Variants in FER1L6 observed in about 807,000 individuals in gnomAD.
FER1L6 encodes fer-1 like family member 6.
In FER1L6, 177 loss-of-function variants were observed where a neutral mutation model predicts 219.2. That is an observed-to-expected ratio of 0.81 (90% CI 0.71 to 0.91). The LOEUF is 0.91. Among genes scored for constraint, FER1L6 ranks in the 40% least tolerant of loss-of-function variants. The probability of loss-of-function intolerance (pLI) is 0.00; values close to 1 mark genes in which losing one functional copy is unlikely to be tolerated. For missense variants in FER1L6, 2,153 were observed against 2,259.9 expected (o/e 0.95, Z 0.96); for synonymous variants, 768 against 824.3 (o/e 0.93, Z 1.17).
intron 1 of FER1L6, among the ~76,000 whole-genome samples, chr8:123,924,078 A>G (rs989161992): frequency 5.3e-5 from 8 of 151,466 alleles, no homozygotes; most frequent in Non-Finnish European, 1.2e-4. Flanking sequence ...AACATGGCGA[A>G]CCCCGTCTCT....
At chr8:123,939,781 T>C (rs1381867989) in intron 1 of FER1L6, among the ~76,000 whole-genome samples, 1 of 152,172 alleles carries the variant, frequency 6.6e-6, no homozygotes, top group African/African-American at 2.4e-5. Flanking sequence ...AGCTGGAGAT[T>C]GAGCGGCATA....
At chr8:123,939,201 A>G in intron 1 of FER1L6, 1 of 985,002 alleles carries the variant, frequency 1.0e-6, no homozygotes, top group Non-Finnish European at 1.2e-6. Context: ...GAGGTGAGCT[A>G]AATAACACAT....
intron 1 of FER1L6, among the ~76,000 whole-genome samples, chr8:123,911,403 T>C (rs1304255983): frequency 6.6e-6 from 1 of 152,202 alleles, no homozygotes; most frequent in African/African-American, 2.4e-5. Flanking sequence ...GCATCCACAA[T>C]GGCCCAGGCA....
chr8:124,053,661 T>A (rs1011243760), intron 22 of FER1L6, among the ~76,000 whole-genome samples: 4 of 152,082 alleles, frequency 2.6e-5, no homozygotes, highest in Non-Finnish European at 5.9e-5. Flanking sequence ...AATTTGAGAC[T>A]AGCCTCAGCA....
At chr8:123,854,502 C>T (rs1816592663) in intron 1 of FER1L6, among the ~76,000 whole-genome samples, 1 of 152,144 alleles carries the variant, frequency 6.6e-6, no homozygotes, top group Admixed American at 6.5e-5. Context: ...CAAAAGAGTC[C>T]ATCACACTGT....
At chr8:124,007,680 G>A (rs1258353785) in intron 13 of FER1L6, among the ~76,000 whole-genome samples, 12 of 152,094 alleles carry the variant, frequency 7.9e-5, no homozygotes, top group Non-Finnish European at 5.9e-5. Flanking sequence ...TAGCTACTTT[G>A]CTATCCTCCT....
chr8:123,923,663 C>G (rs1051196115), intron 1 of FER1L6, among the ~76,000 whole-genome samples: 1 of 152,160 alleles, frequency 6.6e-6, no homozygotes, highest in East Asian at 1.9e-4. Context: ...ATGCCTGGCC[C>G]TGTGCTAAGC....
At position 123,975,139 on chromosome 8, in the gene FER1L6, T is replaced by A; in HGVS notation, c.527-11T>A. The A allele has an allele frequency of 6.3e-7, 1 of 1,577,716 alleles. No homozygotes were observed. Among genetic ancestry groups the A allele is most frequent in the Non-Finnish European group, 8.6e-7 (1 of 1,158,896 alleles). On this transcript the variant is annotated splice_polypyrimidine_tract_variant and intron_variant, in intron 7 of 40. Coordinates refer to ENST00000522917, the MANE Select transcript of FER1L6 (RefSeq NM_001039112.2). Reference sequence around the variant, plus strand: ...CTGTGAAGGATGTGAGCTGTCAGGGTGCTTTCACAGGTCATCAGTTCTGCA... The same window carrying A: ...CTGTGAAGGATGTGAGCTGTCAGGGAGCTTTCACAGGTCATCAGTTCTGCA...
rs1226441073 is a variant in FER1L6 at position 124,065,319 on chromosome 8, T to G, written c.3555+746T>G. On this transcript the variant is annotated intron_variant, in intron 26 of 40. Coordinates refer to ENST00000522917, the MANE Select transcript of FER1L6 (RefSeq NM_001039112.2). ...CAGAGGCTGAGGCAGGAGAATCACT[T>G]GAGCCTGGGAGGCGGAGGCTGCAGT... Among the ~76,000 whole-genome samples the G allele has an allele frequency of 4.7e-5, 7 of 147,960 alleles. No individual in the cohort carries two copies. In the East Asian group the frequency reaches 1.2e-3, roughly 26 times the overall value.
intron 39 of FER1L6, among the ~76,000 whole-genome samples, chr8:124,113,499 C>A (rs933912412): frequency 6.6e-6 from 1 of 152,118 alleles, no homozygotes; most frequent in Non-Finnish European, 1.5e-5. Context: ...AATAATGATT[C>A]CCTAATATAA....
chr8:123,877,138 A>C (rs534103890), intron 1 of FER1L6, among the ~76,000 whole-genome samples: 1 of 152,376 alleles, frequency 6.6e-6, no homozygotes, highest in African/African-American at 2.4e-5. Context: ...AACACCATAG[A>C]AATGTTTACT....
At chr8:124,098,766 T>C (rs1026631388) in intron 37 of FER1L6, among the ~76,000 whole-genome samples, 3 of 152,114 alleles carry the variant, frequency 2.0e-5, no homozygotes, top group African/African-American at 7.2e-5. Flanking sequence ...AGAGTTCGGG[T>C]TGAGACTTCC....
At chr8:124,017,222 T>C (rs918909906) in intron 15 of FER1L6, among the ~76,000 whole-genome samples, 1 of 152,170 alleles carries the variant, frequency 6.6e-6, no homozygotes, top group African/African-American at 2.4e-5. Flanking sequence ...TTTCCTATTG[T>C]TTTTAAATGG....
intron 22 of FER1L6, among the ~76,000 whole-genome samples, chr8:124,059,896 TC>T (rs1247668226): frequency 6.6e-6 from 1 of 152,200 alleles, no homozygotes; most frequent in African/African-American, 2.4e-5. Context: ...AAGACCATCT[TC>T]CGTATTTGTT....
chr8:124,064,272 T>C, intron 25 of FER1L6, 75 bp from the exon 26 acceptor site: 1 of 1,097,872 alleles, frequency 9.1e-7, no homozygotes, highest in Non-Finnish European at 1.4e-6. Context: ...TCTGTCTGAT[T>C]CCTAGTATTA....
chr8:123,856,316 G>GTGTGTGTGTGTGTGTATATATATA lies in FER1L6; in HGVS notation c.-8+4132_-8+4133insGTGTGTGTGTGTGTATATATATAT, dbSNP rs71576706. On this transcript the variant is annotated intron_variant, in intron 1 of 40. Transcript: ENST00000522917. Reference sequence around the variant, plus strand: ...TGTATATATATATATATATGTATGTGTATATATATATATATATATATATAT... The same window carrying GTGTGTGTGTGTGTGTATATATATA: ...TGTATATATATATATATATGTATGTGTGTGTGTGTGTGTGTATATATATATATATATATATATATATATATATAT... 2.2e-4 allele frequency among the ~76,000 whole-genome samples: 10 copies of GTGTGTGTGTGTGTGTATATATATA among 45,086 alleles called. 2 individuals carry two copies. Among genetic ancestry groups the GTGTGTGTGTGTGTGTATATATATA allele is most frequent in the Admixed American group, 4.5e-4 (2 of 4,416 alleles). 29.6% of individuals were successfully genotyped at this position (45,086 alleles called of 152,430 possible).
At chr8:124,071,883 C>T (rs543843645) in intron 31 of FER1L6, among the ~76,000 whole-genome samples, 28 of 152,152 alleles carry the variant, frequency 1.8e-4, no homozygotes, top group African/African-American at 4.8e-4. Flanking sequence ...AGGGAGAGTG[C>T]GAGCTCTGAT....
Position 124,091,561 on chromosome 8 carries a change from T to A in FER1L6, c.4530T>A (p.Thr1510=). The change falls in exon 34 of 41, where the codon ACT becomes ACA. Residue 1510 remains threonine (T), a synonymous_variant. Transcript: ENST00000522917. The stretch of plus-strand genomic sequence containing the variant: ...GAAACCAAGTCTTTTCTGGAAAAAC[T>A]ATCTTCACTGAAGAGGACACTGGTA... ...QIGNQVFSGK[T]IFTEEDTDET... The A allele has an allele frequency of 6.2e-7, 1 of 1,614,048 alleles. No homozygotes were observed. Among genetic ancestry groups the A allele is most frequent in the Non-Finnish European group, 8.5e-7 (1 of 1,179,916 alleles).
At chr8:123,902,654 A>G (rs1056530703) in intron 1 of FER1L6, among the ~76,000 whole-genome samples, 5 of 151,902 alleles carry the variant, frequency 3.3e-5, no homozygotes, top group African/African-American at 9.7e-5. Context: ...GTCCATTTTC[A>G]CCCCTTTAAG....
Sources: allele counts gnomAD v4.1 joint callset (sites outside exome capture counted in the v4.1 genomes callset), GRCh38; gene constraint gnomAD v4.1.1; transcripts MANE v1.5; gene names NCBI Gene and HGNC (gene_info 2026-07-23, HGNC 2026-07-21).